The following ATL2 variants were observed in gnomAD, a reference collection of about 807,000 sequenced individuals.
The protein encoded by ATL2 is atlastin GTPase 2.
Under a neutral mutation model 73.9 loss-of-function variants are expected in ATL2, and 31 were observed. The observed-to-expected ratio is 0.42, with a 90% CI of 0.32 to 0.57. The LOEUF is 0.57. ATL2 is among the 20% of genes least tolerant of loss of function. The pLI is 0.14. For synonymous variants in ATL2, 291 were observed against 237.5 expected (o/e 1.23, Z -2.07); for missense variants, 738 against 702.6 (o/e 1.05, Z -0.57).
At chr2:38,320,944 A>G (rs1232161481) in intron 2 of ATL2, among the ~76,000 whole-genome samples, 2 of 151,840 alleles carry the variant, frequency 1.3e-5, no homozygotes, top group African/African-American at 4.8e-5. Flanking sequence ...TAGGAGTTCA[A>G]GACCAGCCTG....
In ATL2 at chr2:38,307,846, T is replaced by C. The variant is rs1667535388; in HGVS notation, c.1071+1533A>G. On this transcript the variant is annotated intron_variant, in intron 9 of 12. Transcript: ENST00000378954. ...CTCAAAAGGAGACAAACAAATGGGA[T>C]ACAGGATATGAAAACATCACTGATC... 2.0e-5 allele frequency among the ~76,000 whole-genome samples: 3 copies of C among 152,204 alleles called. No individual in the cohort carries two copies. In the South Asian group the frequency reaches 6.2e-4, roughly 32 times the overall value.
intron 1 of ATL2, among the ~76,000 whole-genome samples, chr2:38,363,898 G>C (rs557175758): frequency 7.9e-4 from 120 of 152,322 alleles, no homozygotes; most frequent in African/African-American, 2.7e-3. Flanking sequence ...CTAAACTAGG[G>C]TTATCAATAA....
intron 8 of ATL2, 84 bp from the exon 9 acceptor site, chr2:38,309,590 G>T (rs1468308240): frequency 1.0e-5 from 14 of 1,372,512 alleles, no homozygotes; most frequent in Middle Eastern, 2.1e-4. Flanking sequence ...TCTGTTTTAT[G>T]AAATAAGAAT....
chr2:38,374,991 T>C (rs1358323975), intron 1 of ATL2, among the ~76,000 whole-genome samples: 1 of 152,214 alleles, frequency 6.6e-6, no homozygotes, highest in Non-Finnish European at 1.5e-5. Flanking sequence ...CTAAATAATT[T>C]CGAAGAATTT....
intron 2 of ATL2, among the ~76,000 whole-genome samples, chr2:38,325,086 C>A (rs999594903): frequency 1.6e-4 from 24 of 152,160 alleles, no homozygotes; most frequent in African/African-American, 5.6e-4. Context: ...CCCTTGAGGG[C>A]TAACAAAACG....
Position 38,377,232 on chromosome 2 carries a change from C to T in ATL2, c.29G>A (p.Gly10Glu), listed in dbSNP as rs778512976. Reference sequence around the variant, plus strand: ...CCACAGCCCCTGGTGCGGTTGCTGCCCTCGCGCTGCCTCGTCCCCCTCCGC... The same window carrying T: ...CCACAGCCCCTGGTGCGGTTGCTGCTCTCGCGCTGCCTCGTCCCCCTCCGC... MAEGDEAAR[G>E]QQPHQGLWRR... Residue 10 changes from glycine to glutamate, a missense_variant, in exon 1 of 13, where the codon GGG becomes GAG. Transcript: ENST00000378954. 3.8e-6 allele frequency: 6 copies of T among 1,598,098 alleles called. No homozygotes were observed. Among genetic ancestry groups the T allele is most frequent in the African/African-American group, 1.3e-5 (1 of 74,516 alleles).
chr2:38,374,346 G>A (rs1671848016), intron 1 of ATL2, among the ~76,000 whole-genome samples: 1 of 147,574 alleles, frequency 6.8e-6, no homozygotes, highest in African/African-American at 2.7e-5. Flanking sequence ...ATTCCTTAAA[G>A]TAAATAACTC....
chr2:38,375,052 T>C (rs1231669275), intron 1 of ATL2, among the ~76,000 whole-genome samples: 1 of 152,212 alleles, frequency 6.6e-6, no homozygotes, highest in Non-Finnish European at 1.5e-5. Context: ...TCCTATCAAC[T>C]TAAAAAGCCA....
chr2:38,377,028 G>A, intron 1 of ATL2, 115 bp downstream of exon 1: 1 of 903,250 alleles, frequency 1.1e-6, no homozygotes, highest in Non-Finnish European at 1.6e-6. Flanking sequence ...GGCGGGAGGA[G>A]ACCTGAACCA....
At chr2:38,356,036 T>C (rs768854710) in intron 1 of ATL2, among the ~76,000 whole-genome samples, 53 of 151,644 alleles carry the variant, frequency 3.5e-4, no homozygotes, top group African/African-American at 1.2e-3. Context: ...ATCAATATAA[T>C]AAGAAAACAA....
intron 2 of ATL2, among the ~76,000 whole-genome samples, chr2:38,321,554 G>T (rs1373185437): frequency 6.6e-6 from 1 of 152,106 alleles, no homozygotes; most frequent in Admixed American, 6.6e-5. Context: ...TGGTCTCTAT[G>T]CAACTCCTGC....
At chr2:38,358,615 C>T (rs1020807051) in intron 1 of ATL2, 1 of 255,068 alleles carries the variant, frequency 3.9e-6, no homozygotes, top group African/African-American at 2.3e-5. Context: ...TGGCGTGGAC[C>T]CAAGAGGCGG....
chr2:38,307,056 T>C (rs971890988), intron 9 of ATL2, among the ~76,000 whole-genome samples: 6 of 152,042 alleles, frequency 3.9e-5, no homozygotes, highest in African/African-American at 1.4e-4. Context: ...ACTATGAAAC[T>C]ACTAAAAGAA....
At chr2:38,333,916 C>A (rs1258263992) in intron 2 of ATL2, among the ~76,000 whole-genome samples, 2 of 152,112 alleles carry the variant, frequency 1.3e-5, no homozygotes, top group East Asian at 3.9e-4. Flanking sequence ...AATTTAAAAC[C>A]TGCATAGGGA....
chr2:38,340,440 T>C (rs2148479797), intron 2 of ATL2, among the ~76,000 whole-genome samples: 1 of 152,200 alleles, frequency 6.6e-6, no homozygotes, highest in South Asian at 2.1e-4. Context: ...TACTTGAGTG[T>C]AACATTTATT....
At position 38,339,662 on chromosome 2, in the gene ATL2, T is replaced by A. The variant is rs1288393012; in HGVS notation, c.363+3606A>T. Reference sequence around the variant, plus strand: ...TTAAATGGATAAGCAAAATGTGGCATAATCATACAGCAGAATATTTATTTT... The same window carrying A: ...TTAAATGGATAAGCAAAATGTGGCAAAATCATACAGCAGAATATTTATTTT... On this transcript the variant is annotated intron_variant, in intron 2 of 12. Transcript: ENST00000378954. Among the ~76,000 whole-genome samples the A allele has an allele frequency of 2.0e-5, 3 of 152,134 alleles. No homozygotes were observed. The East Asian group carries it at 5.8e-4, about 29-fold the overall frequency.
In ATL2 at chr2:38,298,201, C is replaced by A; in HGVS notation, c.1575G>T (p.Gly525=). The change falls in exon 12 of 13, where the codon GGG becomes GGT. Residue 525 remains glycine (G), a synonymous_variant. Coordinates refer to ENST00000378954, the MANE Select transcript of ATL2 (RefSeq NM_001135673.4). ...LCTWAYVKYS[G]EFREIGTVID... is the part of the protein sequence containing the mutation. ...TCACTGTTCCAATTTCTCTGAACTC[C>A]CCAGAGTATTTAACATATGCCCAAG... 6.2e-7 allele frequency: 1 copy of A among 1,614,018 alleles called. No homozygotes were observed. The highest frequency in any genetic ancestry group is 1.6e-4 in the Middle Eastern group (1 of 6,062).
At chr2:38,332,143 G>A (rs748072291) in intron 2 of ATL2, among the ~76,000 whole-genome samples, 5 of 152,136 alleles carry the variant, frequency 3.3e-5, no homozygotes, top group Non-Finnish European at 2.9e-5. Context: ...TCAGGTTGAG[G>A]GTTTGGAGAA....
At chr2:38,366,951 A>G (rs910574496) in intron 1 of ATL2, among the ~76,000 whole-genome samples, 1 of 152,170 alleles carries the variant, frequency 6.6e-6, no homozygotes, top group Non-Finnish European at 1.5e-5. Flanking sequence ...AGAAGAGATG[A>G]TAACTTTGTG....
Sources: allele counts gnomAD v4.1 joint callset (sites outside exome capture counted in the v4.1 genomes callset), GRCh38; gene constraint gnomAD v4.1.1; transcripts MANE v1.5; gene names NCBI Gene and HGNC (gene_info 2026-07-23, HGNC 2026-07-21).